VWA8: variants seen among roughly 807,000 people sequenced by gnomAD.
VWA8 encodes von Willebrand factor A domain containing 8.
In VWA8, 221 loss-of-function variants were observed where a neutral mutation model predicts 241.5. That is an observed-to-expected ratio of 0.91 (90% CI 0.82 to 1.02). The LOEUF (loss-of-function observed/expected upper bound fraction) is 1.02. VWA8 is among the 50% of genes least tolerant of loss of function. The pLI is 0.00. For synonymous variants in VWA8, 852 were observed against 827.1 expected, an observed-to-expected ratio of 1.03 and a Z score of -0.52; for missense variants, 2,322 against 2,328.7, an observed-to-expected ratio of 1.00 and a Z score of 0.06.
At chr13:41,835,265 G>C (rs1017561336) in intron 12 of VWA8, among the ~76,000 whole-genome samples, 3 of 152,092 alleles carry the variant, frequency 2.0e-5, no homozygotes, top group African/African-American at 7.2e-5. Context: ...ATTTTAAAAA[G>C]AGAAAGTACT....
intron 37 of VWA8, among the ~76,000 whole-genome samples, chr13:41,662,351 A>C (rs555153339): frequency 6.6e-6 from 1 of 152,158 alleles, no homozygotes; most frequent in Non-Finnish European, 1.5e-5. Flanking sequence ...CATCCTGCAC[A>C]AGTCTTATTG....
At chr13:41,907,307 TATAGG>T (rs1875766188) in intron 4 of VWA8, among the ~76,000 whole-genome samples, 1 of 152,218 alleles carries the variant, frequency 6.6e-6, no homozygotes, top group Admixed American at 6.5e-5. Flanking sequence ...ATCAAATTTC[TATAGG>T]CAAGTAGTAG....
chr13:41,901,887 A>T (rs370031945), intron 4 of VWA8, among the ~76,000 whole-genome samples: 4,318 of 73,218 alleles, frequency 0.059, 60 homozygotes, highest in Non-Finnish European at 0.089. Context: ...AAAAAAAAAA[A>T]AAATATATAT....
chr13:41,817,587 C>G (rs1455674291), intron 15 of VWA8, among the ~76,000 whole-genome samples: 1 of 152,130 alleles, frequency 6.6e-6, no homozygotes, highest in Non-Finnish European at 1.5e-5. Context: ...TACTTTGTTT[C>G]ATTTATTCTT....
intron 14 of VWA8, among the ~76,000 whole-genome samples, chr13:41,822,987 G>T (rs902284830): frequency 2.0e-5 from 3 of 151,980 alleles, no homozygotes; most frequent in African/African-American, 7.3e-5. Context: ...CAAGGCAAAG[G>T]GTTTCAAATG....
intron 12 of VWA8, among the ~76,000 whole-genome samples, chr13:41,860,122 A>G (rs1320544976): frequency 9.9e-5 from 15 of 152,216 alleles, no homozygotes; most frequent in Admixed American, 9.8e-4. Context: ...GAAGCTATAT[A>G]GCAAAAGAAA....
chr13:41,630,714 T>C (rs2044720699), intron 37 of VWA8, among the ~76,000 whole-genome samples: 1 of 152,220 alleles, frequency 6.6e-6, no homozygotes, highest in East Asian at 1.9e-4. Flanking sequence ...AAACTTTATA[T>C]ATTTTACAGA....
intron 21 of VWA8, among the ~76,000 whole-genome samples, chr13:41,737,150 G>C (rs1046041084): frequency 6.6e-6 from 1 of 152,126 alleles, no homozygotes; most frequent in African/African-American, 2.4e-5. Flanking sequence ...TCAAACAGAA[G>C]TTTAATTATG....
Position 41,611,541 on chromosome 13 carries a change from AG to A in VWA8, c.4877+34del, listed in dbSNP as rs1249393346. On this transcript the variant is annotated intron_variant, in intron 39 of 44. Coordinates refer to ENST00000379310, the MANE Select transcript of VWA8 (RefSeq NM_015058.2). ...GTCCATCATGACATTTCACCATAGC[AG>A]TAGTGCTGGTCTAAATGTGATGGGA... 4 of 1,609,866 alleles carry A rather than the reference AG, an allele frequency of 2.5e-6. No homozygotes were observed. The Admixed American group carries it at 5.0e-5, about 20-fold the overall frequency.
chr13:41,765,637 C>T (rs1305861158), intron 20 of VWA8, among the ~76,000 whole-genome samples: 3 of 152,054 alleles, frequency 2.0e-5, no homozygotes, highest in East Asian at 1.9e-4. Context: ...GTTACACATG[C>T]TTATTTTTCC....
chr13:41,803,337 G>A (rs1021339776), intron 17 of VWA8, among the ~76,000 whole-genome samples: 5 of 152,232 alleles, frequency 3.3e-5, no homozygotes, highest in Non-Finnish European at 4.4e-5. Context: ...ATAAGGCACC[G>A]GTGACCAATC....
chr13:41,888,893 C>T (rs1206348901), intron 5 of VWA8, among the ~76,000 whole-genome samples: 1 of 152,152 alleles, frequency 6.6e-6, no homozygotes, highest in Non-Finnish European at 1.5e-5. Flanking sequence ...CACACTGAAA[C>T]TATGTCATAT....
At position 41,590,730 on chromosome 13, in the gene VWA8, T is replaced by C. The variant is rs758502477; in HGVS notation, c.5022A>G (p.Gln1674=). Residue 1674 remains glutamine, a synonymous_variant, in exon 41 of 45, where the codon CAA becomes CAG. Transcript: ENST00000379310. ...TGGCATCATCTAATTCTCCAGTAGC[T>C]TGATGTCTTAGCCATTGTCTTTCTT... The part of the protein sequence containing the change: ...KGKERQWLRH[Q]ATGELDDAKI... 1.2e-6 allele frequency: 2 copies of C among 1,614,142 alleles called. No individual in the cohort carries two copies. The highest frequency in any genetic ancestry group is 1.7e-6 in the Non-Finnish European group (2 of 1,180,008).
At chr13:41,741,752 T>C (rs17449861) in intron 21 of VWA8, among the ~76,000 whole-genome samples, 1,749 of 152,294 alleles carry the variant, frequency 0.011, 17 homozygotes, top group Middle Eastern at 0.054. Flanking sequence ...TTATTAGGCA[T>C]GAAGGTTTAT....
At chr13:41,587,953 G>A (rs11839332) in intron 41 of VWA8, among the ~76,000 whole-genome samples, 93 of 152,340 alleles carry the variant, frequency 6.1e-4, no homozygotes, top group South Asian at 3.5e-3. Flanking sequence ...TTGACTTACC[G>A]AGGTTGATGC....
intron 29 of VWA8, among the ~76,000 whole-genome samples, chr13:41,693,540 T>C (rs1000416028): frequency 6.6e-6 from 1 of 152,100 alleles, no homozygotes; most frequent in Non-Finnish European, 1.5e-5. Context: ...TAGTAATGAA[T>C]GTTCCTTCAT....
intron 37 of VWA8, among the ~76,000 whole-genome samples, chr13:41,657,698 C>A (rs953594633): frequency 2.2e-4 from 34 of 151,946 alleles, no homozygotes; most frequent in Middle Eastern, 3.4e-3. Flanking sequence ...ACCTTGTTAG[C>A]CAGGATGGTC....
intron 40 of VWA8, among the ~76,000 whole-genome samples, chr13:41,593,670 T>C (rs1381975563): frequency 6.6e-6 from 1 of 152,238 alleles, no homozygotes; most frequent in African/African-American, 2.4e-5. Context: ...CTATTGTGGA[T>C]GACCATTTAT....
chr13:41,713,738 T>A (rs1593714197), intron 26 of VWA8, among the ~76,000 whole-genome samples: 1 of 152,178 alleles, frequency 6.6e-6, no homozygotes, highest in African/African-American at 2.4e-5. Context: ...ATGTTTTTAA[T>A]CCTGATGAGA....
Sources: gnomAD v4.1 joint callset for allele counts (sites outside exome capture counted in the v4.1 genomes callset) on GRCh38, gnomAD v4.1.1 for gene constraint, MANE v1.5 for transcripts, NCBI Gene and HGNC (gene_info 2026-07-23, HGNC 2026-07-21) for gene names.